STK33: variants seen among roughly 807,000 people sequenced by gnomAD.
The protein encoded by STK33 is serine/threonine kinase 33.
In STK33, 52 loss-of-function variants were observed where a neutral mutation model predicts 58.0. That is an observed-to-expected ratio of 0.90 (90% confidence interval 0.72 to 1.13). The LOEUF (loss-of-function observed/expected upper bound fraction) is 1.13, where lower values mean the gene tolerates loss of function less well. STK33 is among the 50% of genes most tolerant of loss of function. The pLI, the probability that STK33 is intolerant of heterozygous loss-of-function variation, is 0.00. For missense variants in STK33, 630 were observed against 604.2 expected (o/e 1.04, Z -0.45); for synonymous variants, 215 against 200.1 (o/e 1.07, Z -0.63).
At position 8,407,962 on chromosome 11, in the gene STK33, T is replaced by C. The variant is rs149886498; in HGVS notation, c.1344+5533A>G. On this transcript the variant is annotated intron_variant, in intron 15 of 15. Coordinates refer to ENST00000687296, the MANE Select transcript of STK33 (RefSeq NM_001352389.2). Reference sequence around the variant, plus strand: ...ATCCAGAGAAAAGTGACACAATACATATAAGTGAAGAACATTTCAAATTTC... The same window carrying C: ...ATCCAGAGAAAAGTGACACAATACACATAAGTGAAGAACATTTCAAATTTC... Among the ~76,000 whole-genome samples the C allele has an allele frequency of 3.1e-3, 477 of 152,110 alleles. 1 individual carries two copies. The highest frequency in any genetic ancestry group is 0.011 in the African/African-American group (454 of 41,490).
At chr11:8,342,018 G>T in the STK33 span, among the ~76,000 whole-genome samples, 1 of 152,182 alleles carries the variant, frequency 6.6e-6, no homozygotes, top group African/African-American at 2.4e-5. Context: ...CTTAAGACCT[G>T]ATGGCTCACA....
At chr11:8,563,938 A>G (rs146410864) in intron 1 of STK33, among the ~76,000 whole-genome samples, 258 of 152,224 alleles carry the variant, frequency 1.7e-3, no homozygotes, top group African/African-American at 6.1e-3. Context: ...ACTGTGGGGA[A>G]AAAAAAGAGC....
At chr11:8,564,098 G>A (rs1048634772) in intron 1 of STK33, among the ~76,000 whole-genome samples, 6 of 152,268 alleles carry the variant, frequency 3.9e-5, no homozygotes, top group African/African-American at 1.4e-4. Flanking sequence ...ATTTTTATTT[G>A]TAAAATATGA....
chr11:8,418,943 G>GT (rs1051678839), intron 14 of STK33, among the ~76,000 whole-genome samples: 56 of 150,776 alleles, frequency 3.7e-4, no homozygotes, highest in African/African-American at 9.0e-4. Flanking sequence ...TAATGAGGTT[G>GT]TTTTTTTTTC....
intron 14 of STK33, among the ~76,000 whole-genome samples, chr11:8,422,643 AT>A (rs1942094084): frequency 1.3e-5 from 2 of 152,264 alleles, no homozygotes; most frequent in African/African-American, 4.8e-5. Flanking sequence ...CAAGTTTTCT[AT>A]TTATTAAGAC....
At chr11:8,516,573 C>A (rs1177029952) in intron 1 of STK33, among the ~76,000 whole-genome samples, 2 of 152,246 alleles carry the variant, frequency 1.3e-5, no homozygotes, top group Admixed American at 1.3e-4. Flanking sequence ...GGGGAATTCC[C>A]TTTCCTGGCA....
intron 1 of STK33, among the ~76,000 whole-genome samples, chr11:8,512,113 T>A (rs375029145): frequency 1.3e-5 from 2 of 152,290 alleles, no homozygotes; most frequent in South Asian, 4.1e-4. Context: ...TAAAACAGAC[T>A]AATGAATTTT....
intron 15 of STK33, among the ~76,000 whole-genome samples, chr11:8,401,042 C>T (rs1937808471): frequency 1.3e-5 from 2 of 152,196 alleles, no homozygotes; most frequent in South Asian, 2.1e-4. Context: ...GGCCATACTA[C>T]CCAAGGTAAT....
intron 15 of STK33, among the ~76,000 whole-genome samples, chr11:8,397,124 C>T (rs1849497172): frequency 6.6e-6 from 1 of 152,232 alleles, no homozygotes; most frequent in South Asian, 2.1e-4. Context: ...GTAGTTCTCC[C>T]AGCACGCAGC....
intron 1 of STK33, among the ~76,000 whole-genome samples, chr11:8,521,470 T>C (rs1237402584): frequency 6.6e-6 from 1 of 152,158 alleles, no homozygotes; most frequent in Non-Finnish European, 1.5e-5. Flanking sequence ...TACACAAAAA[T>C]TAATTCAAGA....
the STK33 span, among the ~76,000 whole-genome samples, chr11:8,348,372 T>G: frequency 6.6e-6 from 1 of 152,106 alleles, no homozygotes; most frequent in Non-Finnish European, 1.5e-5. Flanking sequence ...AACATGTCCT[T>G]CTTCACAAGG....
At chr11:8,479,420 A>G (rs1348630024) in intron 2 of STK33, among the ~76,000 whole-genome samples, 1 of 149,508 alleles carries the variant, frequency 6.7e-6, no homozygotes, top group East Asian at 2.0e-4. Context: ...CAACAGAGCT[A>G]GACTCCGTCT....
intron 15 of STK33, among the ~76,000 whole-genome samples, chr11:8,398,275 C>G (rs1849734200): frequency 6.6e-6 from 1 of 152,248 alleles, no homozygotes; most frequent in African/African-American, 2.4e-5. Context: ...AGCAGAAACT[C>G]TACAAGCCAG....
downstream of STK33, among the ~76,000 whole-genome samples, chr11:8,391,646 G>A (rs1848630610): frequency 6.6e-6 from 1 of 152,192 alleles, no homozygotes. Flanking sequence ...GCAAAGGAAA[G>A]TAGCTATTCA....
intron 15 of STK33, among the ~76,000 whole-genome samples, chr11:8,404,456 A>G (rs189366344): frequency 2.0e-5 from 3 of 152,264 alleles, no homozygotes; most frequent in Admixed American, 6.5e-5. Context: ...GGGGGCCACA[A>G]CTATTCTGAT....
chr11:8,445,102 T>C (rs1198745793), intron 11 of STK33, among the ~76,000 whole-genome samples: 5 of 152,232 alleles, frequency 3.3e-5, no homozygotes, highest in African/African-American at 1.2e-4. Context: ...GTCCTTCACA[T>C]CCCTGATAAG....
the STK33 span, among the ~76,000 whole-genome samples, chr11:8,386,595 G>A: frequency 6.6e-6 from 1 of 152,178 alleles, no homozygotes; most frequent in Non-Finnish European, 1.5e-5. Context: ...ACCATCCCCC[G>A]CTGCTGGCTT....
At chr11:8,593,795 G>A (rs1438688562) in intron 1 of STK33, 1 of 152,308 alleles carries the variant, frequency 6.6e-6, no homozygotes, top group South Asian at 2.1e-4. Context: ...TCCCAAGATG[G>A]GGTGAAGGTG....
At chr11:8,400,911 G>A (rs1309519884) in intron 15 of STK33, among the ~76,000 whole-genome samples, 4 of 152,108 alleles carry the variant, frequency 2.6e-5, no homozygotes, top group African/African-American at 9.7e-5. Context: ...CAACTTACAA[G>A]GGATGTGAAG....
Sources: gnomAD v4.1 joint callset for allele counts (sites outside exome capture counted in the v4.1 genomes callset) on GRCh38, gnomAD v4.1.1 for gene constraint, MANE v1.5 for transcripts, NCBI Gene and HGNC (gene_info 2026-07-23, HGNC 2026-07-21) for gene names.